CCSER1: variants seen among roughly 807,000 people sequenced by gnomAD.
CCSER1 encodes the protein coiled-coil serine rich protein 1.
In CCSER1, 41 loss-of-function variants were observed where a neutral mutation model predicts 82.0. The ratio of observed to expected loss-of-function variants is 0.50; its 90% CI spans 0.39 to 0.65. The LOEUF is 0.65. CCSER1 is among the 30% of genes least tolerant of loss of function. The probability of loss-of-function intolerance (pLI) is 0.00; values close to 1 mark genes in which losing one functional copy is unlikely to be tolerated. For missense variants in CCSER1, 1,119 were observed against 1,064.2 expected, an observed-to-expected ratio of 1.05 and a Z score of -0.72; for synonymous variants, 414 against 383.9, an observed-to-expected ratio of 1.08 and a Z score of -0.92.
intron 6 of CCSER1, among the ~76,000 whole-genome samples, chr4:90,641,580 C>A (rs1449996588): frequency 6.6e-6 from 1 of 152,066 alleles, no homozygotes; most frequent in Admixed American, 6.6e-5. Flanking sequence ...TCCCCACAAC[C>A]CTTTTTCTTG....
At chr4:91,478,980 A>G (rs934964577) in intron 10 of CCSER1, among the ~76,000 whole-genome samples, 1 of 151,832 alleles carries the variant, frequency 6.6e-6, no homozygotes, top group African/African-American at 2.4e-5. Flanking sequence ...TTATTTTTTT[A>G]TAATTAAGCA....
chr4:90,711,465 A>G (rs915264771), intron 6 of CCSER1, among the ~76,000 whole-genome samples: 1 of 151,846 alleles, frequency 6.6e-6, no homozygotes, highest in Non-Finnish European at 1.5e-5. Flanking sequence ...TTGGCTGTGG[A>G]TTTGTCATAT....
intron 5 of CCSER1, among the ~76,000 whole-genome samples, chr4:90,620,402 T>C (rs1363465222): frequency 6.6e-6 from 1 of 152,178 alleles, no homozygotes; most frequent in Non-Finnish European, 1.5e-5. Context: ...ATATTATACA[T>C]GATGGACTAT....
At chr4:91,115,907 C>A (rs1468796473) in intron 10 of CCSER1, among the ~76,000 whole-genome samples, 1 of 140,904 alleles carries the variant, frequency 7.1e-6, no homozygotes, top group African/African-American at 2.7e-5. Context: ...GCACAAAGTG[C>A]AGGCTTATTA....
At chr4:90,883,795 A>G (rs756375473) in intron 8 of CCSER1, among the ~76,000 whole-genome samples, 2 of 152,128 alleles carry the variant, frequency 1.3e-5, no homozygotes, top group South Asian at 2.1e-4. Flanking sequence ...TCTGAAGGCT[A>G]TAGGGTGAAA....
chr4:91,164,485 A>C (rs1332865825), intron 10 of CCSER1, among the ~76,000 whole-genome samples: 5 of 152,082 alleles, frequency 3.3e-5, no homozygotes, highest in African/African-American at 4.8e-5. Context: ...CTACCTTGCT[A>C]GGTTGGGGAA....
At chr4:90,310,798 C>T (rs1485490547) in intron 2 of CCSER1, among the ~76,000 whole-genome samples, 4 of 151,970 alleles carry the variant, frequency 2.6e-5, no homozygotes, top group Admixed American at 6.6e-5. Flanking sequence ...CATAATGTCA[C>T]GAGTAATAGG....
intron 5 of CCSER1, among the ~76,000 whole-genome samples, chr4:90,554,860 G>A (rs1777926339): frequency 6.6e-6 from 1 of 152,160 alleles, no homozygotes; most frequent in Non-Finnish European, 1.5e-5. Context: ...TAGCACCCAG[G>A]AGAGTAAGGA....
chr4:90,581,661 A>G (rs1431684942), intron 5 of CCSER1, among the ~76,000 whole-genome samples: 6 of 152,142 alleles, frequency 3.9e-5, no homozygotes, highest in African/African-American at 1.4e-4. Flanking sequence ...TATGGGTTCT[A>G]TGTCTGCCTC....
At chr4:90,282,598 A>T (rs1370321886) in intron 1 of CCSER1, among the ~76,000 whole-genome samples, 1 of 151,908 alleles carries the variant, frequency 6.6e-6, no homozygotes, top group Non-Finnish European at 1.5e-5. Context: ...CTTGAGGCTT[A>T]TATACATTGA....
chr4:90,834,408 T>A (rs1285740162), intron 8 of CCSER1, among the ~76,000 whole-genome samples: 1 of 152,210 alleles, frequency 6.6e-6, no homozygotes, highest in Non-Finnish European at 1.5e-5. Context: ...AGATGCTACT[T>A]GATTTAATAG....
At chr4:91,019,720 T>C (rs929906408) in intron 9 of CCSER1, among the ~76,000 whole-genome samples, 1 of 152,150 alleles carries the variant, frequency 6.6e-6, no homozygotes, top group Admixed American at 6.5e-5. Context: ...TACATGGACT[T>C]TAGAAGCGAA....
Position 90,308,843 on chromosome 4 carries a change from T to A in CCSER1, c.559T>A (p.Ser187Thr). ...GAAGCTACTCCCTAAATCTTTTTCA[T>A]CTCACTATAAATTTTCTAAGCCAGT... is the stretch of plus-strand genomic sequence containing the variant. Reference protein sequence around the residue: ...TRKLLPKSFSSHYKFSKPVLQ... With the variant: ...TRKLLPKSFSTHYKFSKPVLQ... Residue 187 changes from serine (S) to threonine (T), a missense_variant, in exon 2 of 11, where the codon TCT (serine) becomes ACT (threonine). Transcript: ENST00000509176. 1 of 1,613,768 alleles carries A rather than the reference T, an allele frequency of 6.2e-7. No individual in the cohort carries two copies. The highest frequency in any genetic ancestry group is 8.5e-7 in the Non-Finnish European group (1 of 1,179,796).
At chr4:90,872,308 G>A (rs186933326) in intron 8 of CCSER1, among the ~76,000 whole-genome samples, 234 of 151,480 alleles carry the variant, frequency 1.5e-3, no homozygotes, top group African/African-American at 5.4e-3. Context: ...TTGTGAAAGT[G>A]ATTTTCTCTG....
chr4:90,666,400 G>A (rs1418359412), intron 6 of CCSER1, among the ~76,000 whole-genome samples: 5 of 152,166 alleles, frequency 3.3e-5, no homozygotes, highest in Admixed American at 2.6e-4. Context: ...TGCACATGAA[G>A]AGGTCAGTGA....
chr4:91,023,291 A>T (rs1171118447), intron 9 of CCSER1, among the ~76,000 whole-genome samples: 1 of 152,182 alleles, frequency 6.6e-6, no homozygotes. Context: ...TTCTTCACAG[A>T]ATTGGAAAAA....
intron 8 of CCSER1, among the ~76,000 whole-genome samples, chr4:90,913,363 A>C (rs1726742904): frequency 6.6e-6 from 1 of 152,244 alleles, no homozygotes; most frequent in Non-Finnish European, 1.5e-5. Flanking sequence ...AAGAATTTTC[A>C]ACTCAGAATT....
At chr4:90,525,660 C>T (rs1369818131) in intron 5 of CCSER1, among the ~76,000 whole-genome samples, 2 of 152,054 alleles carry the variant, frequency 1.3e-5, no homozygotes, top group African/African-American at 4.8e-5. Context: ...TTCCCTCTGT[C>T]TTTTAATGAT....
chr4:90,523,653 A>T (rs911449960), intron 5 of CCSER1, among the ~76,000 whole-genome samples: 1 of 152,170 alleles, frequency 6.6e-6, no homozygotes. Flanking sequence ...AAGAACTTGA[A>T]GTTCCACAGT....
Sources: gnomAD v4.1 joint callset for allele counts (sites outside exome capture counted in the v4.1 genomes callset) on GRCh38, gnomAD v4.1.1 for gene constraint, MANE v1.5 for transcripts, NCBI Gene and HGNC (gene_info 2026-07-23, HGNC 2026-07-21) for gene names.